The following MALRD1 variants were observed in gnomAD, a reference collection of about 807,000 sequenced individuals.
The protein encoded by MALRD1 is MAM and LDL receptor class A domain containing 1, also known as MAM and LDL-receptor class A domain-containing protein 1.
Under a neutral mutation model 242.1 loss-of-function variants are expected in MALRD1, and 247 were observed. That is an observed-to-expected ratio of 1.02 (90% CI 0.92 to 1.13). MALRD1 has a LOEUF of 1.13. MALRD1 is among the 50% of genes most tolerant of loss of function. The pLI, the probability that MALRD1 is intolerant of heterozygous loss-of-function variation, is 0.00. For missense variants in MALRD1, 2,989 were observed against 2,533.1 expected (o/e 1.18, Z -3.86); for synonymous variants, 995 against 866.6 (o/e 1.15, Z -2.60).
At chr10:19,253,181 A>G (rs1044533458) in intron 18 of MALRD1, among the ~76,000 whole-genome samples, 1 of 151,974 alleles carries the variant, frequency 6.6e-6, no homozygotes, top group Admixed American at 6.6e-5. Context: ...AAGAAGTATA[A>G]GAGAGAGCGT....
chr10:19,189,713 C>T (rs923804582), intron 14 of MALRD1, among the ~76,000 whole-genome samples: 12 of 152,002 alleles, frequency 7.9e-5, no homozygotes, highest in South Asian at 2.1e-4. Flanking sequence ...GAAAAAAACA[C>T]GTGATCACCT....
chr10:19,325,006 C>CTTTTTTTTTTTT (rs34290618), intron 22 of MALRD1, among the ~76,000 whole-genome samples: 39 of 77,940 alleles, frequency 5.0e-4, no homozygotes, highest in East Asian at 1.3e-3. Flanking sequence ...TCAGTAGTTG[C>CTTTTTTTTTTTT]TTTTTTTTTT....
At chr10:19,127,681 AT>A (rs1837325934) in intron 7 of MALRD1, among the ~76,000 whole-genome samples, 2 of 152,206 alleles carry the variant, frequency 1.3e-5, no homozygotes, top group African/African-American at 4.8e-5. Flanking sequence ...TTTACAATAT[AT>A]TTATGTAAAA....
chr10:19,680,595 G>T (rs1478375632), intron 36 of MALRD1, among the ~76,000 whole-genome samples: 1 of 152,044 alleles, frequency 6.6e-6, no homozygotes, highest in African/African-American at 2.4e-5. Context: ...TATCCATCTT[G>T]CCATTCTGTG....
chr10:19,671,634 A>G (rs951328522), intron 36 of MALRD1, among the ~76,000 whole-genome samples: 1 of 152,358 alleles, frequency 6.6e-6, no homozygotes, highest in African/African-American at 2.4e-5. Context: ...TCAAAAAAAT[A>G]AATAATAAAT....
chr10:19,665,050 A>T (rs1238784167), intron 36 of MALRD1, among the ~76,000 whole-genome samples: 1 of 152,152 alleles, frequency 6.6e-6, no homozygotes, highest in Non-Finnish European at 1.5e-5. Context: ...TACCCATCTT[A>T]GGTTCATTAA....
intron 36 of MALRD1, among the ~76,000 whole-genome samples, chr10:19,684,531 G>A (rs1842495191): frequency 6.6e-6 from 1 of 152,148 alleles, no homozygotes; most frequent in Non-Finnish European, 1.5e-5. Context: ...TGGGGCAGAT[G>A]AACCACTTGA....
chr10:19,650,443 A>C (rs1337214911), intron 36 of MALRD1, among the ~76,000 whole-genome samples: 1 of 152,228 alleles, frequency 6.6e-6, no homozygotes, highest in Non-Finnish European at 1.5e-5. Flanking sequence ...CATCAAGAAT[A>C]GCAATTAAGA....
chr10:19,612,797 CATGAG>C (rs1838961246), intron 35 of MALRD1, among the ~76,000 whole-genome samples: 2 of 151,962 alleles, frequency 1.3e-5, no homozygotes, highest in Admixed American at 6.6e-5. Context: ...AACCAGATCT[CATGAG>C]AACTCTATTA....
chr10:19,165,267 T>TATATATATATATATATATA (rs1564435240), intron 12 of MALRD1, among the ~76,000 whole-genome samples: 3 of 53,756 alleles, frequency 5.6e-5, no homozygotes, highest in African/African-American at 1.5e-4. Context: ...ATATATATAT[T>TATATATATATATATATATA]TTGTTTTGTT....
chr10:19,445,278 G>T (rs1834904838), intron 28 of MALRD1, among the ~76,000 whole-genome samples: 1 of 152,180 alleles, frequency 6.6e-6, no homozygotes, highest in Non-Finnish European at 1.5e-5. Flanking sequence ...GGAGAAGTTT[G>T]TTGTTACCAA....
At chr10:19,276,329 A>T (rs1204934562) in intron 19 of MALRD1, among the ~76,000 whole-genome samples, 1 of 151,940 alleles carries the variant, frequency 6.6e-6, no homozygotes, top group Non-Finnish European at 1.5e-5. Context: ...AAAATTATGT[A>T]AGTAAATTAT....
intron 14 of MALRD1, among the ~76,000 whole-genome samples, chr10:19,178,978 A>G (rs1186346535): frequency 6.6e-6 from 1 of 152,256 alleles, no homozygotes; most frequent in Non-Finnish European, 1.5e-5. Flanking sequence ...CTTGCCGGTG[A>G]GAACAAACCA....
At chr10:19,172,056 ACATATATGTGATATATATCATATAT>A (rs1417914463) in intron 13 of MALRD1, among the ~76,000 whole-genome samples, 1 of 48,138 alleles carries the variant, frequency 2.1e-5, no homozygotes, top group East Asian at 1.0e-3. Flanking sequence ...ATCATATATC[ACATATATGTGATATATATCATATAT>A]CACATATGTG....
At chr10:19,718,007 AAT>A in intron 38 of MALRD1, among the ~76,000 whole-genome samples, 1 of 150,602 alleles carries the variant, frequency 6.6e-6, no homozygotes, top group Non-Finnish European at 1.5e-5. Context: ...TACCTAAATA[AAT>A]AAATAAATAA....
intron 34 of MALRD1, among the ~76,000 whole-genome samples, chr10:19,597,433 G>A (rs1401224325): frequency 2.6e-5 from 4 of 152,180 alleles, no homozygotes; most frequent in Admixed American, 6.6e-5. Context: ...ATAAGGCCAC[G>A]TTAGAAATAG....
At chr10:19,237,897 A>T (rs1265201412) in intron 18 of MALRD1, among the ~76,000 whole-genome samples, 5,927 of 32,580 alleles carry the variant, frequency 0.18, 125 homozygotes, top group Middle Eastern at 0.31. Context: ...ATACATTATA[A>T]ATAATTTTAT....
chr10:19,593,723 G>T (rs1247007314), intron 33 of MALRD1, among the ~76,000 whole-genome samples: 3 of 152,156 alleles, frequency 2.0e-5, no homozygotes, highest in Non-Finnish European at 4.4e-5. Context: ...GTCAGCCTCT[G>T]CTTTAAGTTT....
intron 38 of MALRD1, 51 bp from the exon 39 acceptor site, chr10:19,730,655 T>C (rs1161156687): frequency 1.3e-6 from 2 of 1,497,676 alleles, no homozygotes; most frequent in Non-Finnish European, 1.8e-6. Flanking sequence ...GAAAATGTAC[T>C]ATGGTAAATG....
Sources: gnomAD v4.1 joint callset for allele counts (sites outside exome capture counted in the v4.1 genomes callset) on GRCh38, gnomAD v4.1.1 for gene constraint, MANE v1.5 for transcripts, NCBI Gene and HGNC (gene_info 2026-07-23, HGNC 2026-07-21) for gene names.